The following WDR11 variants were observed in gnomAD, a reference collection of about 807,000 sequenced individuals.
The protein encoded by WDR11 is WD repeat-containing protein 11.
WDR11 carries 83 observed loss-of-function variants against 151.2 expected under a neutral mutation model. That is an observed-to-expected ratio of 0.55 (90% CI 0.46 to 0.66). WDR11 has a LOEUF of 0.66. WDR11 is among the 30% of genes least tolerant of loss of function. The pLI, the probability that WDR11 is intolerant of heterozygous loss-of-function variation, is 0.00. For missense variants in WDR11, 1,301 were observed against 1,480.9 expected, an observed-to-expected ratio of 0.88 and a Z score of 1.99; for synonymous variants, 484 against 533.1, an observed-to-expected ratio of 0.91 and a Z score of 1.27.
At chr10:120,866,177 T>C (rs1251971088) in intron 7 of WDR11, among the ~76,000 whole-genome samples, 1 of 152,162 alleles carries the variant, frequency 6.6e-6, no homozygotes, top group African/African-American at 2.4e-5. Context: ...TTTTGTGAAA[T>C]TATATACTGT....
At chr10:120,875,351 G>A (rs1846727592) in intron 11 of WDR11, among the ~76,000 whole-genome samples, 1 of 152,200 alleles carries the variant, frequency 6.6e-6, no homozygotes, top group South Asian at 2.1e-4. Flanking sequence ...CTGTCCGAGG[G>A]AAAGCTAAAT....
chr10:120,897,914 A>G (rs1369284465), intron 19 of WDR11, among the ~76,000 whole-genome samples: 1 of 152,230 alleles, frequency 6.6e-6, no homozygotes, highest in African/African-American at 2.4e-5. Context: ...TATTAAAAAT[A>G]TTTCCAATCA....
rs114590334 is a variant in WDR11 at position 120,886,012 on chromosome 10, G to A, written c.1973+74G>A. On this transcript the variant is annotated intron_variant, in intron 15 of 28. Coordinates refer to ENST00000263461, the MANE Select transcript of WDR11 (RefSeq NM_018117.12). ...GTCTGGGAAGTTGACAAGTATCATCGGAAGGTGTCTATGGTAGCAAGTTGG... is the reference window on the plus strand; with the variant it reads ...GTCTGGGAAGTTGACAAGTATCATCAGAAGGTGTCTATGGTAGCAAGTTGG... 24,342 of 1,594,848 alleles carry A rather than the reference G, an allele frequency of 0.015. 223 individuals are homozygous for A. Among genetic ancestry groups the A allele is most frequent in the African/African-American group, 0.027 (1,987 of 74,664 alleles).
At chr10:120,856,877 T>A (rs1212502535) in intron 2 of WDR11, among the ~76,000 whole-genome samples, 1 of 152,172 alleles carries the variant, frequency 6.6e-6, no homozygotes, top group East Asian at 1.9e-4. Flanking sequence ...AGTTGTTGTA[T>A]ACACTGAATT....
rs181362284 is a variant in WDR11 at position 120,867,504 on chromosome 10, T to G, written c.1294+335T>G. Among the ~76,000 whole-genome samples, 488 of 152,362 alleles carry G rather than the reference T, an allele frequency of 3.2e-3. 2 individuals are homozygous for G. The highest frequency in any genetic ancestry group is 0.011 in the African/African-American group (465 of 41,592). ...CATGCCAACTCAGGGCCTTGCTGTTTGCTGGTTCCTCAGCTTGGAATGAAG... is the reference window on the plus strand; with the variant it reads ...CATGCCAACTCAGGGCCTTGCTGTTGGCTGGTTCCTCAGCTTGGAATGAAG... On this transcript the variant is annotated intron_variant, in intron 9 of 28. Transcript: ENST00000263461.
At chr10:120,905,619 A>G (rs977574684) in intron 26 of WDR11, 12 of 781,350 alleles carry the variant, frequency 1.5e-5, no homozygotes, top group Middle Eastern at 7.3e-4. Flanking sequence ...ATTGGTAGCA[A>G]TTAAGTAAAA....
At chr10:120,854,124 AC>A (rs1336435791) in intron 2 of WDR11, among the ~76,000 whole-genome samples, 1 of 152,348 alleles carries the variant, frequency 6.6e-6, no homozygotes, top group East Asian at 1.9e-4. Context: ...AGCCACAATT[AC>A]AATGAACTTT....
chr10:120,862,140 GTTTTTGTTTTT>G (rs1193090338), intron 4 of WDR11, among the ~76,000 whole-genome samples: 15 of 132,174 alleles, frequency 1.1e-4, no homozygotes, highest in African/African-American at 3.4e-4. Context: ...TTTTGTTTTT[GTTTTTGTTTTT>G]TTTTTTTGAG....
intron 5 of WDR11, among the ~76,000 whole-genome samples, 175 bp from the exon 6 acceptor site, chr10:120,864,872 G>A (rs1368710835): frequency 2.0e-5 from 3 of 152,120 alleles, no homozygotes; most frequent in Admixed American, 1.3e-4. Flanking sequence ...ATTAGCATTT[G>A]GATTTTGGTA....
chr10:120,864,053 A>G (rs937642855), intron 5 of WDR11, among the ~76,000 whole-genome samples: 5 of 152,150 alleles, frequency 3.3e-5, no homozygotes, highest in African/African-American at 1.2e-4. Context: ...TATCTTGAGT[A>G]TTGGGGAAAT....
chr10:120,903,788 G>A (rs1847929417), intron 23 of WDR11, among the ~76,000 whole-genome samples: 1 of 152,130 alleles, frequency 6.6e-6, no homozygotes, highest in Non-Finnish European at 1.5e-5. Context: ...GAATCCTTCA[G>A]TGCACATAGG....
chr10:120,877,311 A>G (rs1353972038), intron 11 of WDR11, among the ~76,000 whole-genome samples: 1 of 152,194 alleles, frequency 6.6e-6, no homozygotes, highest in African/African-American at 2.4e-5. Flanking sequence ...CCATTTTTAT[A>G]TGAATTTTTC....
intron 2 of WDR11, among the ~76,000 whole-genome samples, chr10:120,858,441 A>T (rs1305988894): frequency 2.0e-5 from 3 of 152,168 alleles, no homozygotes; most frequent in African/African-American, 7.2e-5. Context: ...TGTCAAAGAA[A>T]ACAATTTTGT....
intron 14 of WDR11, among the ~76,000 whole-genome samples, chr10:120,884,481 G>A (rs945735632): frequency 2.0e-5 from 3 of 152,092 alleles, no homozygotes; most frequent in African/African-American, 7.2e-5. Context: ...GTATAGAGAA[G>A]TGAGTGTCAC....
intron 11 of WDR11, among the ~76,000 whole-genome samples, chr10:120,875,630 G>C (rs1350188724): frequency 1.3e-5 from 2 of 151,950 alleles, no homozygotes; most frequent in African/African-American, 4.8e-5. Context: ...TCAGCCTCTT[G>C]AGTAGCTAGG....
intron 9 of WDR11, among the ~76,000 whole-genome samples, chr10:120,867,405 G>C (rs1846353802): frequency 6.6e-6 from 1 of 152,242 alleles, no homozygotes; most frequent in Admixed American, 6.5e-5. Flanking sequence ...GTTCATTCGT[G>C]AGAGACTGAT....
rs75153147 is a variant in WDR11, at chr10:120,895,929, G to T, written c.2516-4100G>T. Among the ~76,000 whole-genome samples, 32 of 152,264 alleles carry T rather than the reference G, an allele frequency of 2.1e-4. No homozygotes were observed. The East Asian group carries it at 6.0e-3, about 28-fold the overall frequency. On this transcript the variant is annotated intron_variant, in intron 19 of 28. Coordinates refer to ENST00000263461, the MANE Select transcript of WDR11 (RefSeq NM_018117.12). Reference sequence around the variant, plus strand: ...TTGGCAATATCTAACAGAGCTACATGCACATTTACCTTTTTACCCAGCAAT... The same window carrying T: ...TTGGCAATATCTAACAGAGCTACATTCACATTTACCTTTTTACCCAGCAAT...
chr10:120,906,577 T>G, intron 27 of WDR11, 199 bp from the exon 28 acceptor site: 2 of 1,432,714 alleles, frequency 1.4e-6, no homozygotes, highest in Non-Finnish European at 1.8e-6. Flanking sequence ...AAGTATTAAT[T>G]TTAAAAAGCT....
rs1846321454 is a variant in WDR11 at position 120,866,630 on chromosome 10, G to T, written c.1056G>T (p.Val352=). The part of the protein sequence containing the change: ...DLRSQCDAIR[V]TKTVRPFSMV... ...GAAGCCAGTGTGATGCAATCAGGGTGACAAAAACCGTCCGTCCCTTCAGTA... is the reference window on the plus strand; with the variant it reads ...GAAGCCAGTGTGATGCAATCAGGGTTACAAAAACCGTCCGTCCCTTCAGTA... The change falls in exon 8 of 29, where the codon GTG becomes GTT. Residue 352 remains valine, a synonymous_variant. Coordinates refer to ENST00000263461, the MANE Select transcript of WDR11 (RefSeq NM_018117.12). 1.9e-6 allele frequency: 3 copies of T among 1,614,062 alleles called. No homozygotes were observed. The highest frequency in any genetic ancestry group is 2.5e-6 in the Non-Finnish European group (3 of 1,180,046).
Sources: allele counts gnomAD v4.1 joint callset (sites outside exome capture counted in the v4.1 genomes callset), GRCh38; gene constraint gnomAD v4.1.1; transcripts MANE v1.5; gene names NCBI Gene and HGNC (gene_info 2026-07-23, HGNC 2026-07-21).